NAV1: variants seen among roughly 807,000 people sequenced by gnomAD.
NAV1 encodes pore membrane and/or filament interacting like protein 3.
In NAV1, 18 loss-of-function variants were observed where a neutral mutation model predicts 175.2. The observed-to-expected ratio is 0.10, with a 90% CI of 0.07 to 0.15. NAV1 has a LOEUF of 0.15. Among genes scored for constraint, NAV1 ranks in the 10% least tolerant of loss-of-function variants. The pLI is 1.00. For missense variants in NAV1, 1,731 were observed against 2,436.6 expected (o/e 0.71, Z 6.10); for synonymous variants, 897 against 978.7 (o/e 0.92, Z 1.56).
intron 1 of NAV1, among the ~76,000 whole-genome samples, chr1:201,709,646 A>C (rs1010698209): frequency 6.6e-6 from 1 of 152,168 alleles, no homozygotes; most frequent in Non-Finnish European, 1.5e-5. Flanking sequence ...CGGCATACCC[A>C]TGATGGCCAC....
At chr1:201,766,821 T>G (rs988892238) in intron 3 of NAV1, among the ~76,000 whole-genome samples, 4 of 152,036 alleles carry the variant, frequency 2.6e-5, no homozygotes, top group African/African-American at 9.7e-5. Context: ...ACTTTTTTTG[T>G]TTTTTTGGTT....
At position 201,686,231 on chromosome 1, in the gene NAV1, C is replaced by T. The variant is rs112506120; in HGVS notation, c.758-26586C>T. Among the ~76,000 whole-genome samples, 713 of 150,828 alleles carry T rather than the reference C, an allele frequency of 4.7e-3. 4 individuals carry two copies. Among genetic ancestry groups the T allele is most frequent in the African/African-American group, 0.017 (682 of 40,860 alleles). Reference sequence around the variant, plus strand: ...TCCTCCCCCAACTGCATCTGCCCCTCCTCTCAATCCCCCATACTCACTCCC... The same window carrying T: ...TCCTCCCCCAACTGCATCTGCCCCTTCTCTCAATCCCCCATACTCACTCCC... On this transcript the variant is annotated intron_variant, in intron 1 of 29. Transcript: ENST00000367296.
At chr1:201,676,106 G>A (rs1670238537) in intron 1 of NAV1, among the ~76,000 whole-genome samples, 1 of 152,058 alleles carries the variant, frequency 6.6e-6, no homozygotes, top group South Asian at 2.1e-4. Flanking sequence ...CTACCCTATT[G>A]CCTACCAAAA....
intron 1 of NAV1, among the ~76,000 whole-genome samples, chr1:201,710,963 A>T (rs1362666259): frequency 1.1e-4 from 17 of 152,262 alleles, no homozygotes; most frequent in Non-Finnish European, 1.5e-5. Flanking sequence ...CTGGGCCAGA[A>T]ACCCACACCT....
intron 1 of NAV1, among the ~76,000 whole-genome samples, chr1:201,695,133 C>A (rs1226425224): frequency 6.6e-6 from 1 of 152,258 alleles, no homozygotes; most frequent in Non-Finnish European, 1.5e-5. Flanking sequence ...CCGGGACCAG[C>A]CTCTTCCATG....
chr1:201,784,567 CT>C lies in NAV1; in HGVS notation c.2804+716del, dbSNP rs1229399815. Among the ~76,000 whole-genome samples, 41 of 109,768 alleles carry C rather than the reference CT, an allele frequency of 3.7e-4. 1 individual carries two copies. Among genetic ancestry groups the C allele is most frequent in the East Asian group, 6.9e-4 (3 of 4,360 alleles). The allele number at this position is 109,768 out of a possible 152,430, so 72.0% of individuals were successfully genotyped here. A position where few individuals can be genotyped will look rare whatever the true frequency, so the allele number is the denominator to read the frequency against. Reference sequence around the variant, plus strand: ...TAGTTTTTACCTACCATAATACGATCTATTTTTTTTTTTTTTTTGAGATGGG... The same window carrying C: ...TAGTTTTTACCTACCATAATACGATCATTTTTTTTTTTTTTTTGAGATGGG... On this transcript the variant is annotated intron_variant, in intron 7 of 29. Transcript: ENST00000367296.
chr1:201,646,215 T>G (rs1043938395), upstream of NAV1, among the ~76,000 whole-genome samples: 1 of 152,214 alleles, frequency 6.6e-6, no homozygotes, highest in Non-Finnish European at 1.5e-5. Flanking sequence ...TCTTCACTGC[T>G]TGTCATTTCC....
At chr1:201,615,263 C>CTTTTTTTTTTTTTTTTTTT (rs1256633287) in intron 2 of NAV1, among the ~76,000 whole-genome samples, 1 of 145,024 alleles carries the variant, frequency 6.9e-6, no homozygotes. Context: ...TTCTTTCTTT[C>CTTTTTTTTTTTTTTTTTTT]TTTCTTTTTT....
At chr1:201,712,717 C>A in intron 1 of NAV1, 100 bp from the exon 6 acceptor site, 4 of 807,194 alleles carry the variant, frequency 5.0e-6, no homozygotes, top group Non-Finnish European at 8.7e-6. Flanking sequence ...GGCCCAGGGA[C>A]TAGCCTCCTG....
At position 201,793,778 on chromosome 1, in the gene NAV1, T is replaced by C. The variant is rs1406211959; in HGVS notation, c.3322-14T>C. The C allele has an allele frequency of 2.5e-6, 4 of 1,612,410 alleles. No individual in the cohort carries two copies. The highest frequency in any genetic ancestry group is 3.4e-6 in the Non-Finnish European group (4 of 1,179,326). On this transcript the variant is annotated splice_polypyrimidine_tract_variant and intron_variant, in intron 13 of 29. Coordinates refer to ENST00000367296, the Ensembl canonical transcript of NAV1. ...CTTATGCAACTTAGCAATCTCTTTCTGTGTTTGTTTCAGGCTAATCTGGTG... is the reference window on the plus strand; with the variant it reads ...CTTATGCAACTTAGCAATCTCTTTCCGTGTTTGTTTCAGGCTAATCTGGTG...
chr1:201,825,834 G>A (rs1352498160), exon 30 of NAV1: 1 of 152,172 alleles, frequency 6.6e-6, no homozygotes, highest in Non-Finnish European at 1.5e-5. Flanking sequence ...GCTAATTTTT[G>A]TATTTTTAGT....
chr1:201,807,834 C>T lies in NAV1; in HGVS notation c.3649-119C>T, dbSNP rs933604732. ...TCAAGTGAAGTGTTATAGAGGGTGG[C>T]TTAATTAAAGTAAATCCCCCGCCTC... On this transcript the variant is annotated intron_variant, in intron 17 of 29. Coordinates refer to ENST00000367296, the Ensembl canonical transcript of NAV1. This position sits in a 1 kb window ranked among gnomAD's most constrained non-coding sequence, Gnocchi z 5.4. 1.6e-5 allele frequency: 15 copies of T among 958,158 alleles called. No individual in the cohort carries two copies. In the South Asian group the frequency reaches 2.1e-4, roughly 14 times the overall value. 59.4% of individuals were successfully genotyped at this position (958,158 alleles called of 1,614,324 possible). A position where few individuals can be genotyped will look rare whatever the true frequency, so the allele number is the denominator to read the frequency against.
intron 3 of NAV1, among the ~76,000 whole-genome samples, chr1:201,721,477 CGACTCTTTAAGTGAACATGCA>C (rs143637240): frequency 0.014 from 2,177 of 152,334 alleles, 50 homozygotes; most frequent in African/African-American, 0.047. Flanking sequence ...TGGATTCCAG[CGACTCTTTAAGTGAACATGCA>C]AACCTGAGCT....
At chr1:201,737,396 A>G (rs973948610) in intron 3 of NAV1, 10 of 152,152 alleles carry the variant, frequency 6.6e-5, no homozygotes, top group African/African-American at 2.2e-4. Context: ...TCAGGAATCA[A>G]TCCCAAGAAG....
chr1:201,642,525 T>TTTCTTTCTTTCTTCCTTTCTTTC (rs1553247052), intron 2 of NAV1, among the ~76,000 whole-genome samples: 2 of 100,306 alleles, frequency 2.0e-5, no homozygotes, highest in Non-Finnish European at 4.1e-5. Flanking sequence ...TTCTTTCTTT[T>TTTCTTTCTTTCTTCCTTTCTTTC]TTTCTTTCTT....
chr1:201,665,168 G>T (rs1569402), intron 1 of NAV1, among the ~76,000 whole-genome samples: 5,484 of 150,038 alleles, frequency 0.037, 127 homozygotes, highest in Non-Finnish European at 0.054. Flanking sequence ...TGCTCCCCCC[G>T]CACCCTGCCC....
intron 1 of NAV1, among the ~76,000 whole-genome samples, chr1:201,679,742 G>T (rs1670392719): frequency 6.6e-6 from 1 of 152,178 alleles, no homozygotes; most frequent in Non-Finnish European, 1.5e-5. Context: ...TTTTGAACAG[G>T]TGTCTGGTTC....
chr1:201,769,307 G>A (rs571672967), intron 3 of NAV1, among the ~76,000 whole-genome samples: 1 of 152,206 alleles, frequency 6.6e-6, no homozygotes, highest in South Asian at 2.1e-4. Context: ...TACTTATCTT[G>A]GTTTTCAGAT....
At chr1:201,565,873 T>G (rs932317156) in intron 1 of NAV1, among the ~76,000 whole-genome samples, 1 of 152,088 alleles carries the variant, frequency 6.6e-6, no homozygotes, top group African/African-American at 2.4e-5. Context: ...GCGCCAGACA[T>G]TCCCCCAATC....
Sources: allele counts gnomAD v4.1 joint callset (sites outside exome capture counted in the v4.1 genomes callset), GRCh38; gene constraint gnomAD v4.1.1; non-coding constraint Gnocchi (gnomAD v3.1); transcripts MANE v1.5; gene names NCBI Gene and HGNC (gene_info 2026-07-23, HGNC 2026-07-21).